Variants in SUMF1 observed in about 807,000 individuals in gnomAD.
The protein encoded by SUMF1 is formylglycine-generating enzyme.
In SUMF1, 48 loss-of-function variants were observed where a neutral mutation model predicts 47.6. The observed-to-expected ratio is 1.01, with a 90% CI of 0.80 to 1.28. SUMF1 has a LOEUF of 1.28. Among genes scored for constraint, SUMF1 ranks in the 50% most tolerant of loss-of-function variants. SUMF1 has a pLI of 0.00. For missense variants in SUMF1, 571 were observed against 485.4 expected (o/e 1.18, Z -1.66); for synonymous variants, 230 against 192.1 (o/e 1.20, Z -1.63).
Position 4,378,518 on chromosome 3 carries a change from T to G in SUMF1, c.955-2129A>C, listed in dbSNP as rs142600033. Among the ~76,000 whole-genome samples the G allele has an allele frequency of 1.8e-3, 281 of 152,338 alleles. 1 individual carries two copies. The highest frequency in any genetic ancestry group is 6.2e-3 in the African/African-American group (259 of 41,582). ...AGGCCTTAAATGCTTAATGTCACAT[T>G]AATAAACTTTTGTTAATTACAAACA... On this transcript the variant is annotated intron_variant, in intron 7 of 8. Transcript: ENST00000272902.
chr3:4,202,843 T>A (rs897900112), intron 8 of SUMF1, among the ~76,000 whole-genome samples: 1 of 152,050 alleles, frequency 6.6e-6, no homozygotes, highest in Non-Finnish European at 1.5e-5. Context: ...CCATTGGTCA[T>A]TCAGGAGCAT....
intron 7 of SUMF1, among the ~76,000 whole-genome samples, chr3:4,384,622 A>G (rs1700610438): frequency 6.6e-6 from 1 of 152,110 alleles, no homozygotes. Context: ...ACTCAGCATA[A>G]TTCTCCGGAG....
At chr3:4,366,929 T>C (rs1347706177) in intron 8 of SUMF1, among the ~76,000 whole-genome samples, 1 of 152,216 alleles carries the variant, frequency 6.6e-6, no homozygotes, top group Non-Finnish European at 1.5e-5. Context: ...TAGTTTTCCT[T>C]CTAACAGACA....
chr3:4,444,367 G>C (rs1702708457), intron 3 of SUMF1, among the ~76,000 whole-genome samples: 1 of 152,142 alleles, frequency 6.6e-6, no homozygotes, highest in African/African-American at 2.4e-5. Flanking sequence ...TGATCACAGA[G>C]AGTATTAAAC....
intron 8 of SUMF1, among the ~76,000 whole-genome samples, chr3:4,093,764 GGAA>G (rs1405398578): frequency 3.9e-5 from 6 of 151,932 alleles, no homozygotes; most frequent in Non-Finnish European, 7.4e-5. Context: ...CTAATTCTAA[GGAA>G]GAAGAATAAA....
chr3:4,301,431 TATA>T (rs998732633), intron 8 of SUMF1, among the ~76,000 whole-genome samples: 17 of 152,080 alleles, frequency 1.1e-4, no homozygotes, highest in African/African-American at 4.1e-4. Flanking sequence ...AGCAGCAAAA[TATA>T]ATAACTGGAC....
At chr3:4,440,123 C>T (rs2125097720) in intron 3 of SUMF1, among the ~76,000 whole-genome samples, 1 of 151,906 alleles carries the variant, frequency 6.6e-6, no homozygotes, top group Non-Finnish European at 1.5e-5. Flanking sequence ...ATAATCCCAG[C>T]TACTTGGGAG....
chr3:4,144,886 C>T (rs1427661370), intron 8 of SUMF1, among the ~76,000 whole-genome samples: 1 of 152,110 alleles, frequency 6.6e-6, no homozygotes, highest in Admixed American at 6.6e-5. Context: ...CAGAATTATT[C>T]TTACGGTATA....
chr3:4,313,684 T>C (rs755761490), intron 8 of SUMF1: 1 of 1,614,054 alleles, frequency 6.2e-7, no homozygotes. Flanking sequence ...GAACATCAGT[T>C]GTGGAAATGA....
At chr3:4,408,540 T>C (rs1380453650) in intron 7 of SUMF1, among the ~76,000 whole-genome samples, 1 of 152,188 alleles carries the variant, frequency 6.6e-6, no homozygotes, top group Non-Finnish European at 1.5e-5. Flanking sequence ...GAATTTATAC[T>C]TAATCAGCCA....
At chr3:4,291,384 GCT>G (rs1229620465) in intron 8 of SUMF1, among the ~76,000 whole-genome samples, 1 of 151,778 alleles carries the variant, frequency 6.6e-6, no homozygotes, top group Non-Finnish European at 1.5e-5. Flanking sequence ...CCTCATCTCT[GCT>G]CTCTCTCCTT....
At chr3:4,114,606 T>G (rs1041839682) in intron 8 of SUMF1, among the ~76,000 whole-genome samples, 2 of 151,932 alleles carry the variant, frequency 1.3e-5, no homozygotes, top group African/African-American at 4.8e-5. Flanking sequence ...GAGACCCGTA[T>G]CAGGTTAAAC....
chr3:4,227,979 T>A (rs1385262943), intron 8 of SUMF1, among the ~76,000 whole-genome samples: 1 of 151,996 alleles, frequency 6.6e-6, no homozygotes, highest in African/African-American at 2.4e-5. Context: ...TGAGTTGGAG[T>A]AGCCATAGGG....
chr3:4,292,441 G>A (rs1156383494), intron 8 of SUMF1, among the ~76,000 whole-genome samples: 1 of 152,172 alleles, frequency 6.6e-6, no homozygotes, highest in Non-Finnish European at 1.5e-5. Flanking sequence ...AATAAGGTGG[G>A]TGAGTCAGAA....
chr3:4,217,514 TTATA>T (rs370463309), intron 8 of SUMF1, among the ~76,000 whole-genome samples: 2 of 45,192 alleles, frequency 4.4e-5, no homozygotes, highest in Non-Finnish European at 8.5e-5. Flanking sequence ...AAAGTATTTT[TTATA>T]TATATATATA....
At chr3:4,212,895 A>T (rs1346542140) in intron 8 of SUMF1, among the ~76,000 whole-genome samples, 1 of 152,188 alleles carries the variant, frequency 6.6e-6, no homozygotes, top group Non-Finnish European at 1.5e-5. Context: ...AAAGCCTCCA[A>T]GAAATATGGG....
intron 8 of SUMF1, among the ~76,000 whole-genome samples, chr3:4,362,827 T>A (rs191110485): frequency 6.6e-6 from 1 of 152,036 alleles, no homozygotes; most frequent in East Asian, 1.9e-4. Context: ...AGTGGGAAGA[T>A]CTCTTGAGCC....
intron 8 of SUMF1, among the ~76,000 whole-genome samples, chr3:4,092,777 T>C (rs1046113872): frequency 6.6e-6 from 1 of 152,074 alleles, no homozygotes; most frequent in Non-Finnish European, 1.5e-5. Flanking sequence ...GTCAAAGAAT[T>C]GATAAGAAAA....
chr3:4,376,539 C>A, intron 7 of SUMF1, 150 bp from the exon 8 acceptor site: 1 of 806,024 alleles, frequency 1.2e-6, no homozygotes, highest in Non-Finnish European at 2.1e-6. Flanking sequence ...TATCTGTATT[C>A]GTGGGCTCTC....
Sources: allele counts gnomAD v4.1 joint callset (sites outside exome capture counted in the v4.1 genomes callset), GRCh38; gene constraint gnomAD v4.1.1; transcripts MANE v1.5; gene names NCBI Gene and HGNC (gene_info 2026-07-23, HGNC 2026-07-21).